The following GRIK2 variants were observed in gnomAD, a reference collection of about 807,000 sequenced individuals.
GRIK2 encodes glutamate receptor ionotropic, kainate 2.
GRIK2 carries 32 observed loss-of-function variants against 100.3 expected under a neutral mutation model. The observed-to-expected ratio is 0.32, with a 90% CI of 0.24 to 0.43. The LOEUF is 0.43. Ranked by LOEUF, GRIK2 falls within the 20% of genes least tolerant of loss-of-function variation. The pLI is 1.00. For missense variants in GRIK2, 843 were observed against 1,114.9 expected, an observed-to-expected ratio of 0.76 and a Z score of 3.47; for synonymous variants, 417 against 389.4, an observed-to-expected ratio of 1.07 and a Z score of -0.83.
intron 14 of GRIK2, among the ~76,000 whole-genome samples, chr6:101,992,155 A>C (rs939239197): frequency 4.6e-5 from 7 of 151,550 alleles, no homozygotes; most frequent in African/African-American, 1.7e-4. Flanking sequence ...AGAGAACTAT[A>C]AAGAAGCAGA....
At chr6:101,479,305 G>C (rs1225582833) in intron 2 of GRIK2, among the ~76,000 whole-genome samples, 2 of 152,092 alleles carry the variant, frequency 1.3e-5, no homozygotes, top group African/African-American at 4.8e-5. Context: ...AGGGCTGTAA[G>C]TGATATTTGT....
intron 2 of GRIK2, among the ~76,000 whole-genome samples, chr6:101,619,144 C>G (rs1224775713): frequency 6.6e-6 from 1 of 150,670 alleles, no homozygotes; most frequent in East Asian, 2.0e-4. Flanking sequence ...GAAACCAATT[C>G]TTTACTAGAT....
At chr6:101,460,017 G>A (rs562464961) in intron 2 of GRIK2, among the ~76,000 whole-genome samples, 4 of 152,112 alleles carry the variant, frequency 2.6e-5, no homozygotes, top group Middle Eastern at 6.8e-3. Flanking sequence ...TCGGCCTCTC[G>A]ATGTGCTGGG....
At chr6:101,895,196 A>G (rs748332229) in intron 12 of GRIK2, among the ~76,000 whole-genome samples, 1 of 151,792 alleles carries the variant, frequency 6.6e-6, no homozygotes, top group Non-Finnish European at 1.5e-5. Flanking sequence ...AAATCAAAGA[A>G]TATTCAATGT....
chr6:102,043,682 A>ATAAC (rs1470656911), intron 15 of GRIK2, among the ~76,000 whole-genome samples: 5 of 143,830 alleles, frequency 3.5e-5, no homozygotes, highest in African/African-American at 1.3e-4. Flanking sequence ...GGTTGATCCT[A>ATAAC]TAACTTGGCT....
At chr6:101,638,114 G>A (rs1408634789) in intron 4 of GRIK2, among the ~76,000 whole-genome samples, 2 of 151,584 alleles carry the variant, frequency 1.3e-5, no homozygotes, top group Non-Finnish European at 2.9e-5. Context: ...GAGTGATGCT[G>A]TCCTGGTCAT....
At chr6:101,786,084 T>C (rs1368497990) in intron 7 of GRIK2, among the ~76,000 whole-genome samples, 1 of 152,088 alleles carries the variant, frequency 6.6e-6, no homozygotes. Flanking sequence ...GTAGTGTAAA[T>C]GAGATTACCT....
At chr6:101,406,971 A>G (rs1366603450) in intron 2 of GRIK2, among the ~76,000 whole-genome samples, 1 of 152,138 alleles carries the variant, frequency 6.6e-6, no homozygotes, top group African/African-American at 2.4e-5. Flanking sequence ...TGTTGCCTCT[A>G]GCTCTCATTT....
intron 7 of GRIK2, among the ~76,000 whole-genome samples, chr6:101,723,405 TAAAAG>T (rs1417971145): frequency 2.0e-5 from 3 of 151,928 alleles, no homozygotes; most frequent in East Asian, 1.9e-4. Context: ...GATTTAAAAA[TAAAAG>T]AAAATTAGAA....
intron 2 of GRIK2, among the ~76,000 whole-genome samples, chr6:101,469,194 AT>A (rs1428773155): frequency 6.6e-6 from 1 of 152,170 alleles, no homozygotes; most frequent in Non-Finnish European, 1.5e-5. Flanking sequence ...CAGAGCTAAT[AT>A]TTTTAGAGTA....
At chr6:101,791,162 C>T (rs1416712924) in intron 7 of GRIK2, among the ~76,000 whole-genome samples, 1 of 152,138 alleles carries the variant, frequency 6.6e-6, no homozygotes. Context: ...AAACCAGCTC[C>T]TGGATTCATT....
chr6:101,723,742 CTAAA>C (rs1337462546), intron 7 of GRIK2, among the ~76,000 whole-genome samples: 1 of 151,914 alleles, frequency 6.6e-6, no homozygotes, highest in Non-Finnish European at 1.5e-5. Context: ...ATAATAAAGA[CTAAA>C]TAGATACACA....
rs5878701 is a variant in GRIK2 at position 101,891,516 on chromosome 6, C to CAAA, written c.1748+1672_1748+1674dup. On this transcript the variant is annotated intron_variant, in intron 12 of 16. Transcript: ENST00000369134. The stretch of plus-strand genomic sequence containing the variant: ...TGGGAGATATAGCAGGACTCCATCT[C>CAAA]AAAAAAAAAAAAAAAAAAAAAGGTG... 1,274 of 197,842 alleles carry CAAA rather than the reference C, an allele frequency of 6.4e-3. 9 individuals carry two copies. The highest frequency in any genetic ancestry group is 0.022 in the African/African-American group (349 of 15,634). The allele number at this position is 197,842 out of a possible 1,614,324, so 12.3% of individuals were successfully genotyped here. A position where few individuals can be genotyped will look rare whatever the true frequency, so the allele number is the denominator to read the frequency against.
intron 7 of GRIK2, among the ~76,000 whole-genome samples, chr6:101,735,346 A>G (rs1775563234): frequency 6.6e-6 from 1 of 152,188 alleles, no homozygotes; most frequent in Non-Finnish European, 1.5e-5. Context: ...CATTTATACA[A>G]TATCTCAGAA....
chr6:101,456,326 T>A (rs1039720835), intron 2 of GRIK2, among the ~76,000 whole-genome samples: 5 of 151,964 alleles, frequency 3.3e-5, no homozygotes, highest in African/African-American at 1.2e-4. Context: ...CATTTTCAAT[T>A]TGAGGAGGAA....
intron 14 of GRIK2, among the ~76,000 whole-genome samples, chr6:101,983,614 G>A (rs1271787856): frequency 6.6e-6 from 1 of 151,690 alleles, no homozygotes; most frequent in Non-Finnish European, 1.5e-5. Flanking sequence ...ATAACTCAAT[G>A]ATAAAAATAT....
In GRIK2 at chr6:101,651,264, C is replaced by A. The variant is rs185484266; in HGVS notation, c.541+24627C>A. Among the ~76,000 whole-genome samples, 326 of 152,210 alleles carry A rather than the reference C, an allele frequency of 2.1e-3. 2 individuals carry two copies. Among genetic ancestry groups the A allele is most frequent in the African/African-American group, 7.5e-3 (310 of 41,544 alleles). ...ATTTTGTCTGGTACTGGCAGATATTCTTTTTGTAACATATAATTTATTTTT... is the reference window on the plus strand; with the variant it reads ...ATTTTGTCTGGTACTGGCAGATATTATTTTTGTAACATATAATTTATTTTT... On this transcript the variant is annotated intron_variant, in intron 4 of 16. Coordinates refer to ENST00000369134, the MANE Select transcript of GRIK2 (RefSeq NM_021956.5).
At chr6:101,902,263 T>C (rs1486871597) in intron 12 of GRIK2, among the ~76,000 whole-genome samples, 3 of 151,938 alleles carry the variant, frequency 2.0e-5, no homozygotes, top group Admixed American at 6.6e-5. Flanking sequence ...CACTAATATG[T>C]AATATGTTCA....
intron 15 of GRIK2, among the ~76,000 whole-genome samples, chr6:102,051,185 T>C (rs1220494446): frequency 6.6e-6 from 1 of 152,096 alleles, no homozygotes; most frequent in Non-Finnish European, 1.5e-5. Context: ...GTCTTATACA[T>C]CTGACATATG....
Sources: gnomAD v4.1 joint callset for allele counts (sites outside exome capture counted in the v4.1 genomes callset) on GRCh38, gnomAD v4.1.1 for gene constraint, MANE v1.5 for transcripts, NCBI Gene and HGNC (gene_info 2026-07-23, HGNC 2026-07-21) for gene names.